The following LRIG1 variants were observed in gnomAD, a reference collection of about 807,000 sequenced individuals.
LRIG1 encodes leucine-rich repeats and immunoglobulin-like domains protein 1.
A neutral mutation model predicts 99.2 loss-of-function variants in LRIG1; 48 were observed. The ratio of observed to expected loss-of-function variants is 0.48; its 90% CI spans 0.38 to 0.62. The LOEUF is 0.62. Ranked by LOEUF, LRIG1 falls within the 20% of genes least tolerant of loss-of-function variation. The probability of loss-of-function intolerance (pLI) is 0.00; values close to 1 mark genes in which losing one functional copy is unlikely to be tolerated. For missense variants in LRIG1, 1,646 were observed against 1,434.4 expected, an observed-to-expected ratio of 1.15 and a Z score of -2.38; for synonymous variants, 772 against 596.1, an observed-to-expected ratio of 1.29 and a Z score of -4.30.
In LRIG1 at chr3:66,418,083, T is replaced by TG. The variant is rs544057994; in HGVS notation, c.366-818_366-817insC. Reference sequence around the variant, plus strand: ...ATGTTCCACTGTAACTTGTGTTTTTTTTTTGTTTTGTTTTTGTTTTTGTTT... The same window carrying TG: ...ATGTTCCACTGTAACTTGTGTTTTTTGTTTTGTTTTGTTTTTGTTTTTGTTT... On this transcript the variant is annotated intron_variant, in intron 3 of 18. Transcript: ENST00000273261. 3.2e-3 allele frequency among the ~76,000 whole-genome samples: 483 copies of TG among 151,540 alleles called. 1 individual carries two copies. Among genetic ancestry groups the TG allele is most frequent in the African/African-American group, 0.011 (456 of 41,254 alleles).
intron 12 of LRIG1, among the ~76,000 whole-genome samples, chr3:66,389,101 T>A (rs1317449686): frequency 6.6e-6 from 1 of 152,188 alleles, no homozygotes; most frequent in East Asian, 1.9e-4. Context: ...GGAATAAAAC[T>A]GGATCTTAAT....
chr3:66,466,341 C>CTAAAAAGAAAAA (rs1700473053), intron 1 of LRIG1, among the ~76,000 whole-genome samples: 1 of 152,164 alleles, frequency 6.6e-6, no homozygotes, highest in Admixed American at 6.5e-5. Flanking sequence ...CTGCACCTGG[C>CTAAAAAGAAAAA]AGAATTTCAT....
intron 1 of LRIG1, chr3:66,469,025 C>A (rs1575715575): frequency 6.6e-6 from 1 of 152,114 alleles, no homozygotes; most frequent in African/African-American, 2.4e-5. Context: ...TAACCAAAAA[C>A]CACAACTGAA....
intron 3 of LRIG1, among the ~76,000 whole-genome samples, chr3:66,418,973 G>C (rs1433308255): frequency 1.3e-5 from 2 of 152,096 alleles, no homozygotes; most frequent in East Asian, 1.9e-4. Context: ...CTTTAATAAA[G>C]ATAGTCTCCT....
rs563594249 is a variant in LRIG1 at position 66,405,186 on chromosome 3, G to A, written c.1160+12C>T. ...GCATTTGCCGGCGGAGCTCCGTGCG[G>A]CGGATACTCACAGCTTGCTGAGGCT... On this transcript the variant is annotated intron_variant, in intron 9 of 18. Transcript: ENST00000273261. 6.2e-7 allele frequency: 1 copy of A among 1,613,386 alleles called. No homozygotes were observed. Among genetic ancestry groups the A allele is most frequent in the African/African-American group, 1.3e-5 (1 of 75,060 alleles).
At chr3:66,495,423 G>A (rs898484340) in intron 1 of LRIG1, among the ~76,000 whole-genome samples, 2 of 152,210 alleles carry the variant, frequency 1.3e-5, no homozygotes, top group African/African-American at 2.4e-5. Context: ...TCACTGAGGA[G>A]GGGGAACGTA....
chr3:66,378,919 T>TAAAAGTAATACTCCCTCTTTCA lies in LRIG1; in HGVS notation c.*1322_*1343dup. The TAAAAGTAATACTCCCTCTTTCA allele has an allele frequency of 6.5e-6, 1 of 152,778 alleles. No individual in the cohort carries two copies. Among genetic ancestry groups the TAAAAGTAATACTCCCTCTTTCA allele is most frequent in the African/African-American group, 2.4e-5 (1 of 41,582 alleles). 9.5% of individuals were successfully genotyped at this position (152,778 alleles called of 1,614,324 possible). The stretch of plus-strand genomic sequence containing the variant: ...TTCTATAAATAAATAACTTTGTACA[T>TAAAAGTAATACTCCCTCTTTCA]AAAAGTAATACTCCCTCTTTCACAT... On this transcript the variant is annotated 3_prime_UTR_variant, in exon 19 of 19. Transcript: ENST00000273261.
rs766803504 is a variant in LRIG1, at chr3:66,451,621, A to G, written c.303T>C (p.Asn101=). The G allele has an allele frequency of 2.0e-4, 316 of 1,613,378 alleles. No homozygotes were observed. Among genetic ancestry groups the G allele is most frequent in the Non-Finnish European group, 2.6e-4 (310 of 1,179,454 alleles). ...LPNLQEVYLN[N]NELTAVPSLG... The stretch of plus-strand genomic sequence containing the variant: ...GGGATGGTACCGCTGTCAACTCATT[A>G]TTATTGAGGTACCTGTAACAACAAC... The change falls in exon 3 of 19, where the codon AAT becomes AAC. Residue 101 remains asparagine, a synonymous_variant. Transcript: ENST00000273261.
At chr3:66,495,647 C>T (rs2106936466) in intron 1 of LRIG1, among the ~76,000 whole-genome samples, 1 of 152,362 alleles carries the variant, frequency 6.6e-6, no homozygotes, top group Admixed American at 6.5e-5. Context: ...TTCTAGATTT[C>T]CCTCTCCTGT....
chr3:66,410,099 C>G (rs746875952), intron 7 of LRIG1, 30 bp downstream of exon 7: 12 of 1,584,858 alleles, frequency 7.6e-6, no homozygotes, highest in African/African-American at 1.4e-5. Flanking sequence ...TCTAAAAACA[C>G]TGCCACAGCC....
chr3:66,397,762 A>T (rs372606158), intron 11 of LRIG1, among the ~76,000 whole-genome samples: 53 of 152,326 alleles, frequency 3.5e-4, no homozygotes, highest in African/African-American at 1.3e-3. Context: ...AAAAGATGAA[A>T]ACTTGGCCCT....
intron 15 of LRIG1, 70 bp from the exon 16 acceptor site, chr3:66,382,468 C>A: frequency 1.3e-6 from 2 of 1,579,420 alleles, no homozygotes; most frequent in Non-Finnish European, 1.7e-6. Context: ...CGTTCACTGT[C>A]AAGCTCAGAA....
chr3:66,380,705 G>T lies in LRIG1; in HGVS notation c.2927C>A (p.Pro976Gln). The T allele has an allele frequency of 6.2e-7, 1 of 1,614,224 alleles. No homozygotes were observed. Among genetic ancestry groups the T allele is most frequent in the Non-Finnish European group, 8.5e-7 (1 of 1,180,042 alleles). Residue 976 changes from proline (P) to glutamine (Q), a missense_variant, in exon 18 of 19, where the codon CCA becomes CAA. Pro to Gln is a moderately conservative substitution (Grantham distance 76, BLOSUM62 -1). Transcript: ENST00000273261. Reference protein sequence around the residue: ...EPGGSDQEHSPHHQCSRTAAG... With the variant: ...EPGGSDQEHSQHHQCSRTAAG... Reference sequence around the variant, plus strand: ...GGCAGTCCTGCTGCACTGGTGATGTGGAGAATGCTCTTGGTCACTCCCACC... The same window carrying T: ...GGCAGTCCTGCTGCACTGGTGATGTTGAGAATGCTCTTGGTCACTCCCACC...
At chr3:66,393,057 G>A (rs1286408551) in intron 12 of LRIG1, among the ~76,000 whole-genome samples, 3 of 152,206 alleles carry the variant, frequency 2.0e-5, no homozygotes, top group African/African-American at 7.2e-5. Context: ...GTGAAGGTAG[G>A]GGTGGATGCA....
At chr3:66,397,990 C>T in intron 11 of LRIG1, 122 bp downstream of exon 11, 1 of 778,744 alleles carries the variant, frequency 1.3e-6, no homozygotes, top group Non-Finnish European at 2.1e-6. Flanking sequence ...CTCTGTGGCC[C>T]ACAAAATCCA....
intron 1 of LRIG1, among the ~76,000 whole-genome samples, chr3:66,489,525 ATGTGTGTGTGTGTGTGTG>A (rs56128311): frequency 6.7e-6 from 1 of 150,272 alleles, no homozygotes; most frequent in Non-Finnish European, 1.5e-5. Context: ...CTTTGTGTGT[ATGTGTGTGTGTGTGTGTG>A]TGTGTGTGTC....
rs763305052 is a variant in LRIG1 at position 66,378,835 on chromosome 3, T to C, written c.*1428A>G. The C allele has an allele frequency of 6.6e-6, 1 of 152,572 alleles. No homozygotes were observed. The highest frequency in any genetic ancestry group is 2.4e-5 in the African/African-American group (1 of 41,436). The allele number at this position is 152,572 out of a possible 1,614,324, so 9.5% of individuals were successfully genotyped here. ...TGAACCTTTATTAAAGACACTTCAA[T>C]GCCATTTGTTAGACACTTCAATATT... On this transcript the variant is annotated 3_prime_UTR_variant, in exon 19 of 19. Transcript: ENST00000273261.
At chr3:66,418,466 C>T (rs927231204) in intron 3 of LRIG1, among the ~76,000 whole-genome samples, 1 of 152,226 alleles carries the variant, frequency 6.6e-6, no homozygotes, top group African/African-American at 2.4e-5. Context: ...AAGAGAAAGA[C>T]GAATGCTAGC....
At chr3:66,391,614 G>A (rs1701622415) in intron 12 of LRIG1, among the ~76,000 whole-genome samples, 1 of 152,142 alleles carries the variant, frequency 6.6e-6, no homozygotes, top group Admixed American at 6.5e-5. Flanking sequence ...AGGGCCTGGG[G>A]GCAGAGAATA....
Sources: gnomAD v4.1 joint callset for allele counts (sites outside exome capture counted in the v4.1 genomes callset) on GRCh38, gnomAD v4.1.1 for gene constraint, MANE v1.5 for transcripts, NCBI Gene and HGNC (gene_info 2026-07-23, HGNC 2026-07-21) for gene names.